HCRTR2: variants seen among roughly 807,000 people sequenced by gnomAD.
HCRTR2 encodes orexin receptor type 2.
Under a neutral mutation model 49.0 loss-of-function variants are expected in HCRTR2, and 22 were observed. The observed-to-expected ratio is 0.45, with a 90% CI of 0.32 to 0.64. The LOEUF (loss-of-function observed/expected upper bound fraction) is 0.64. Ranked by LOEUF, HCRTR2 falls within the 30% of genes least tolerant of loss-of-function variation. The pLI is 0.04. For missense variants in HCRTR2, 491 were observed against 559.4 expected (o/e 0.88, Z 1.23); for synonymous variants, 236 against 205.3 (o/e 1.15, Z -1.28).
At chr6:55,262,972 A>G (rs995979553) in intron 3 of HCRTR2, among the ~76,000 whole-genome samples, 6 of 151,594 alleles carry the variant, frequency 4.0e-5, no homozygotes, top group African/African-American at 1.4e-4. Flanking sequence ...TTTATGCTTA[A>G]TAAGTGAGAA....
intron 3 of HCRTR2, among the ~76,000 whole-genome samples, chr6:55,260,501 A>G (rs1766734179): frequency 6.6e-6 from 1 of 152,176 alleles, no homozygotes; most frequent in African/African-American, 2.4e-5. Context: ...TCAACTTGAA[A>G]GAAAGTTGGA....
chr6:55,107,037 C>A (rs1055495359), intron 1 of HCRTR2, among the ~76,000 whole-genome samples: 1 of 152,090 alleles, frequency 6.6e-6, no homozygotes, highest in African/African-American at 2.4e-5. Context: ...TCTTTCTTTT[C>A]AAGGTGATTC....
At chr6:55,145,527 C>T (rs1373682026) in intron 1 of HCRTR2, among the ~76,000 whole-genome samples, 1 of 151,954 alleles carries the variant, frequency 6.6e-6, no homozygotes, top group Admixed American at 6.6e-5. Flanking sequence ...TCTCCTGCCT[C>T]GGCCTCCTGA....
At chr6:55,239,134 G>C (rs1766271231) in intron 1 of HCRTR2, among the ~76,000 whole-genome samples, 1 of 152,154 alleles carries the variant, frequency 6.6e-6, no homozygotes, top group Non-Finnish European at 1.5e-5. Flanking sequence ...AATTTTCCTG[G>C]AGTGAAACTG....
chr6:55,109,085 A>G (rs1764014116), intron 1 of HCRTR2, among the ~76,000 whole-genome samples: 1 of 152,142 alleles, frequency 6.6e-6, no homozygotes, highest in Non-Finnish European at 1.5e-5. Context: ...CTCTGCAGAC[A>G]CTTCCCAGTA....
At chr6:55,120,073 A>G (rs1283096121) in intron 1 of HCRTR2, among the ~76,000 whole-genome samples, 3 of 152,204 alleles carry the variant, frequency 2.0e-5, no homozygotes, top group Non-Finnish European at 4.4e-5. Context: ...CAAAGATCAG[A>G]TGGTTGTAGA....
rs866820748 is a variant in HCRTR2 at position 55,282,284 on chromosome 6, C to T, written c.1165C>T (p.Arg389Cys). 3.1e-6 allele frequency: 5 copies of T among 1,613,740 alleles called. No homozygotes were observed. Among genetic ancestry groups the T allele is most frequent in the Admixed American group, 1.7e-5 (1 of 59,880 alleles). Residue 389 changes from arginine to cysteine, a missense_variant, in exon 7 of 7, where the codon CGC becomes TGC. Transcript: ENST00000370862. ...TTGCTGTTGCCTTGGAGTTCACCAT[C>T]GCCAGGAGGATCGGCTCACCAGGGG... Reference protein sequence around the residue: ...FSCCCLGVHHRQEDRLTRGRT... With the variant: ...FSCCCLGVHHCQEDRLTRGRT...
intron 1 of HCRTR2, among the ~76,000 whole-genome samples, chr6:55,116,909 C>A (rs944729496): frequency 6.6e-6 from 1 of 151,586 alleles, no homozygotes; most frequent in Admixed American, 6.6e-5. Context: ...GATTTCCATC[C>A]TTGCTAAACG....
At chr6:55,119,686 A>G (rs996039909) in intron 1 of HCRTR2, among the ~76,000 whole-genome samples, 3 of 150,000 alleles carry the variant, frequency 2.0e-5, no homozygotes, top group African/African-American at 7.4e-5. Context: ...TGTCAGATGG[A>G]TAGATTGCAA....
intron 1 of HCRTR2, among the ~76,000 whole-genome samples, chr6:55,179,391 G>T (rs1007233022): frequency 1.3e-5 from 2 of 152,126 alleles, no homozygotes; most frequent in African/African-American, 4.8e-5. Context: ...GTGCATTTTA[G>T]TTTTAAAATG....
At chr6:55,250,545 C>A (rs1269641655) in intron 2 of HCRTR2, among the ~76,000 whole-genome samples, 2 of 152,042 alleles carry the variant, frequency 1.3e-5, no homozygotes, top group African/African-American at 4.8e-5. Flanking sequence ...ACAGAAGATT[C>A]CCTGGTGGGA....
At chr6:55,212,113 C>A (rs1346447575) in intron 1 of HCRTR2, among the ~76,000 whole-genome samples, 1 of 152,088 alleles carries the variant, frequency 6.6e-6, no homozygotes, top group Non-Finnish European at 1.5e-5. Context: ...GCTGAAAAGC[C>A]AGCATTCATG....
intron 1 of HCRTR2, among the ~76,000 whole-genome samples, chr6:55,187,531 A>G (rs1464479905): frequency 1.3e-5 from 2 of 151,758 alleles, no homozygotes; most frequent in African/African-American, 2.4e-5. Context: ...AATATGTATT[A>G]TTACTGAAAA....
rs187696644 is a variant in HCRTR2 at position 55,120,839 on chromosome 6, T to C, written c.-378+14294T>C. 4.2e-3 allele frequency among the ~76,000 whole-genome samples: 645 copies of C among 152,178 alleles called. 3 individuals are homozygous for C. Among genetic ancestry groups the C allele is most frequent in the African/African-American group, 0.013 (557 of 41,522 alleles). On this transcript the variant is annotated intron_variant, in intron 1 of 7. Transcript: ENST00000615358. ...GTTCTGTTCCATTGGTCTGTATCTCTGTTTTGGTACCAGTACCATGCTGTT... is the reference window on the plus strand; with the variant it reads ...GTTCTGTTCCATTGGTCTGTATCTCCGTTTTGGTACCAGTACCATGCTGTT...
At chr6:55,197,002 A>T (rs1765428003) in intron 1 of HCRTR2, among the ~76,000 whole-genome samples, 1 of 152,094 alleles carries the variant, frequency 6.6e-6, no homozygotes, top group African/African-American at 2.4e-5. Context: ...TACAGCCCTA[A>T]CTGCACCCTA....
At chr6:55,159,028 G>A (rs1056870568) in intron 1 of HCRTR2, among the ~76,000 whole-genome samples, 1 of 152,204 alleles carries the variant, frequency 6.6e-6, no homozygotes, top group Non-Finnish European at 1.5e-5. Flanking sequence ...CGCACAGCAA[G>A]GGTCGACAGA....
rs538177457 is a variant in HCRTR2, at chr6:55,236,201, C to T, written c.224-12438C>T. Among the ~76,000 whole-genome samples the T allele has an allele frequency of 2.0e-4, 31 of 152,028 alleles. No individual in the cohort carries two copies. In the South Asian group the frequency reaches 6.4e-3, roughly 32 times the overall value. ...TCCTCATATTTTACAGTGCAGAAAT[C>T]ATGTGTTTCTCATTATTTTTTTCCT... On this transcript the variant is annotated intron_variant, in intron 1 of 6. Transcript: ENST00000370862.
chr6:55,149,036 T>C (rs1393016475), intron 1 of HCRTR2, among the ~76,000 whole-genome samples: 1 of 152,126 alleles, frequency 6.6e-6, no homozygotes, highest in Non-Finnish European at 1.5e-5. Flanking sequence ...TTTGCATGAA[T>C]ACTTATAACC....
chr6:55,113,252 A>T (rs1356845247), intron 1 of HCRTR2, among the ~76,000 whole-genome samples: 1 of 152,018 alleles, frequency 6.6e-6, no homozygotes. Context: ...CCCAAAGCAA[A>T]TGCAACATAA....
Sources: allele counts gnomAD v4.1 joint callset (sites outside exome capture counted in the v4.1 genomes callset), GRCh38; gene constraint gnomAD v4.1.1; transcripts MANE v1.5; gene names NCBI Gene and HGNC (gene_info 2026-07-23, HGNC 2026-07-21).